Variants in HEMK2 observed in about 807,000 individuals in gnomAD.
The protein encoded by HEMK2 is methyltransferase HEMK2.
At chr21:28,776,342 C>A in the HEMK2 span, among the ~76,000 whole-genome samples, 1 of 152,232 alleles carries the variant, frequency 6.6e-6, no homozygotes, top group Non-Finnish European at 1.5e-5. Context: ...AGTGGCTTAT[C>A]TGCCTGATGA....
the HEMK2 span, among the ~76,000 whole-genome samples, chr21:28,821,679 A>C: frequency 4.6e-5 from 7 of 152,204 alleles, no homozygotes; most frequent in East Asian, 1.3e-3. Flanking sequence ...AAACCCAAGA[A>C]TACTCTTCCC....
At chr21:28,702,941 A>T in the HEMK2 span, among the ~76,000 whole-genome samples, 2 of 152,222 alleles carry the variant, frequency 1.3e-5, no homozygotes, top group South Asian at 4.1e-4. Context: ...TGGGTAAACA[A>T]AATGTGTGAC....
the HEMK2 span, chr21:28,873,394 T>A: frequency 6.6e-6 from 1 of 152,264 alleles, no homozygotes; most frequent in African/African-American, 2.4e-5. Context: ...AGGACATACT[T>A]ATGACAATCA....
chr21:28,610,679 AACTT>A, the HEMK2 span, among the ~76,000 whole-genome samples: 9 of 152,190 alleles, frequency 5.9e-5, no homozygotes, highest in African/African-American at 1.7e-4. Context: ...GACTCACACA[AACTT>A]AAGGTAAAGA....
the HEMK2 span, among the ~76,000 whole-genome samples, chr21:28,838,256 C>T: frequency 1.3e-5 from 2 of 152,096 alleles, no homozygotes; most frequent in Non-Finnish European, 2.9e-5. Context: ...AACTACAGGA[C>T]GGGTGCGGTG....
chr21:28,638,170 T>C, the HEMK2 span, among the ~76,000 whole-genome samples: 116 of 152,276 alleles, frequency 7.6e-4, no homozygotes, highest in East Asian at 0.018. Context: ...GGTATTAACA[T>C]AAATATTTTA....
the HEMK2 span, among the ~76,000 whole-genome samples, chr21:28,637,453 TAAA>T: frequency 7.0e-6 from 1 of 143,540 alleles, no homozygotes; most frequent in African/African-American, 2.6e-5. Flanking sequence ...TAACAGAAAT[TAAA>T]AAAAAAAAAA....
chr21:28,600,588 T>TG, the HEMK2 span, among the ~76,000 whole-genome samples: 1 of 152,248 alleles, frequency 6.6e-6, no homozygotes, highest in South Asian at 2.1e-4. Context: ...CCCACTGTCC[T>TG]GGTGATTAAC....
chr21:28,677,978 A>C, the HEMK2 span, among the ~76,000 whole-genome samples: 148 of 152,360 alleles, frequency 9.7e-4, no homozygotes, highest in Non-Finnish European at 1.6e-3. Flanking sequence ...AACTCTAAAA[A>C]TCAGAGCGCC....
the HEMK2 span, among the ~76,000 whole-genome samples, chr21:28,812,359 T>C: frequency 1.2e-4 from 18 of 152,336 alleles, no homozygotes; most frequent in Admixed American, 4.6e-4. Context: ...TGAAGGGGTA[T>C]TGAATTTTAT....
At chr21:28,742,317 T>G in the HEMK2 span, among the ~76,000 whole-genome samples, 1 of 152,340 alleles carries the variant, frequency 6.6e-6, no homozygotes, top group East Asian at 1.9e-4. Context: ...CAGAGCACCA[T>G]TTGTGCCTCG....
chr21:28,706,770 T>C, the HEMK2 span, among the ~76,000 whole-genome samples: 1 of 134,772 alleles, frequency 7.4e-6, no homozygotes, highest in African/African-American at 3.2e-5. Flanking sequence ...GAATTTCAGA[T>C]ACTCACTCTG....
chr21:28,643,264 G>A, the HEMK2 span, among the ~76,000 whole-genome samples: 1 of 152,228 alleles, frequency 6.6e-6, no homozygotes, highest in Non-Finnish European at 1.5e-5. Flanking sequence ...GATGGTGGCA[G>A]GAGGTTGGGA....
chr21:28,863,440 A>G, the HEMK2 span, among the ~76,000 whole-genome samples: 1 of 84,286 alleles, frequency 1.2e-5, no homozygotes. Flanking sequence ...ATATATATAT[A>G]TATATATATA....
chr21:28,618,167 AATAAT>A, the HEMK2 span, among the ~76,000 whole-genome samples: 1 of 152,230 alleles, frequency 6.6e-6, no homozygotes, highest in Non-Finnish European at 1.5e-5. Flanking sequence ...ATTTAAAATT[AATAAT>A]ATGAGTGGTA....
chr21:28,754,320 T>G, the HEMK2 span, among the ~76,000 whole-genome samples: 1 of 152,196 alleles, frequency 6.6e-6, no homozygotes, highest in Admixed American at 6.5e-5. Flanking sequence ...GGTGAACCAA[T>G]CAACAGGGGG....
At chr21:28,585,860 A>G in the HEMK2 span, among the ~76,000 whole-genome samples, 4 of 145,356 alleles carry the variant, frequency 2.8e-5, no homozygotes, top group African/African-American at 9.7e-5. Flanking sequence ...AAGAAGTCCA[A>G]TAAATCTTGA....
chr21:28,756,044 AGTTTTCAT>A, the HEMK2 span, among the ~76,000 whole-genome samples: 4 of 152,344 alleles, frequency 2.6e-5, no homozygotes, highest in East Asian at 7.7e-4. Context: ...TCATCGGCAC[AGTTTTCAT>A]GAGTGTTCTC....
chr21:28,622,127 A>G, the HEMK2 span, among the ~76,000 whole-genome samples: 10 of 152,218 alleles, frequency 6.6e-5, no homozygotes, highest in Non-Finnish European at 1.3e-4. Context: ...CAGCTTCAGC[A>G]AAGTCTCAGG....
Sources: gnomAD v4.1 joint callset for allele counts (sites outside exome capture counted in the v4.1 genomes callset) on GRCh38, gnomAD v4.1.1 for gene constraint, MANE v1.5 for transcripts, NCBI Gene and HGNC (gene_info 2026-07-23, HGNC 2026-07-21) for gene names.